The following TMEM135 variants were observed in gnomAD, a reference collection of about 807,000 sequenced individuals.
TMEM135 encodes transmembrane protein 135, also known as peroxisomal membrane protein 52.
In TMEM135, 30 loss-of-function variants were observed where a neutral mutation model predicts 60.3. The ratio of observed to expected loss-of-function variants is 0.50; its 90% confidence interval spans 0.37 to 0.68. TMEM135 has a LOEUF of 0.68. TMEM135 is among the 30% of genes least tolerant of loss of function. The pLI, the probability that TMEM135 is intolerant of heterozygous loss-of-function variation, is 0.00. For missense variants in TMEM135, 468 were observed against 548.8 expected (o/e 0.85, Z 1.47); for synonymous variants, 190 against 186.7 (o/e 1.02, Z -0.14).
At chr11:87,122,309 G>GTTT (rs11367827) in intron 4 of TMEM135, among the ~76,000 whole-genome samples, 2 of 110,356 alleles carry the variant, frequency 1.8e-5, no homozygotes, top group African/African-American at 6.6e-5. Flanking sequence ...GTTTTGCTAG[G>GTTT]TTTTTTTTTT....
intron 5 of TMEM135, among the ~76,000 whole-genome samples, chr11:87,171,454 G>A (rs1939235048): frequency 6.6e-6 from 1 of 151,998 alleles, no homozygotes; most frequent in Admixed American, 6.6e-5. Flanking sequence ...GGAGTAGCCA[G>A]TGTCCTATGC....
chr11:87,196,267 A>C (rs1229296551), intron 5 of TMEM135, among the ~76,000 whole-genome samples: 1 of 152,190 alleles, frequency 6.6e-6, no homozygotes, highest in African/African-American at 2.4e-5. Context: ...AATGTCTGCA[A>C]ATTCTGAACT....
At chr11:87,306,535 A>T (rs929051593) in intron 9 of TMEM135, among the ~76,000 whole-genome samples, 1 of 152,128 alleles carries the variant, frequency 6.6e-6, no homozygotes, top group East Asian at 1.9e-4. Flanking sequence ...AAGAGAGCTA[A>T]CTATGCCTGG....
Position 87,236,704 on chromosome 11 carries a change from T to C in TMEM135, c.509+20T>C, listed in dbSNP as rs1162272416. The C allele has an allele frequency of 2.5e-6, 4 of 1,604,502 alleles. No homozygotes were observed. Among genetic ancestry groups the C allele is most frequent in the African/African-American group, 1.3e-5 (1 of 74,634 alleles). On this transcript the variant is annotated intron_variant, in intron 6 of 14. Transcript: ENST00000305494. ...TTTCAGGTATGTTCTGTTATACTTA[T>C]TTACTTTAATACCCCAAACAGTATC...
intron 6 of TMEM135, among the ~76,000 whole-genome samples, chr11:87,237,280 T>G (rs1445867007): frequency 6.6e-6 from 1 of 151,984 alleles, no homozygotes; most frequent in African/African-American, 2.4e-5. Flanking sequence ...CCCAGCAGTG[T>G]GCGAATGATT....
chr11:87,229,716 G>C (rs1329667168), intron 5 of TMEM135, among the ~76,000 whole-genome samples: 4 of 152,108 alleles, frequency 2.6e-5, no homozygotes, highest in East Asian at 1.9e-4. Context: ...ATCCATATGT[G>C]TATGCTTTGT....
At chr11:87,178,454 G>A (rs1399386976) in intron 5 of TMEM135, 2 of 455,622 alleles carry the variant, frequency 4.4e-6, no homozygotes, top group South Asian at 3.1e-5. Flanking sequence ...TTGTTTTTTT[G>A]AGATGGAGTC....
chr11:87,227,972 C>T (rs889733296), intron 5 of TMEM135, among the ~76,000 whole-genome samples: 7 of 152,136 alleles, frequency 4.6e-5, no homozygotes, highest in Non-Finnish European at 1.0e-4. Context: ...TTCTAAAAGA[C>T]TCTGCCCTCT....
chr11:87,087,885 C>T (rs1461998185), intron 3 of TMEM135, among the ~76,000 whole-genome samples: 1 of 152,182 alleles, frequency 6.6e-6, no homozygotes, highest in East Asian at 1.9e-4. Flanking sequence ...TACAGGCATG[C>T]ACCACCACGC....
intron 1 of TMEM135, among the ~76,000 whole-genome samples, chr11:87,059,600 G>T (rs535217648): frequency 1.3e-5 from 2 of 152,148 alleles, no homozygotes; most frequent in Non-Finnish European, 2.9e-5. Flanking sequence ...ACAGGCATGA[G>T]CTACCACACC....
intron 5 of TMEM135, among the ~76,000 whole-genome samples, chr11:87,162,907 G>T (rs915050748): frequency 6.6e-6 from 1 of 151,876 alleles, no homozygotes; most frequent in Non-Finnish European, 1.5e-5. Flanking sequence ...TTTAATGATC[G>T]CCATTCTAAC....
In TMEM135 at chr11:87,135,528, A is replaced by G. The variant is rs551650351; in HGVS notation, c.397-21813A>G. On this transcript the variant is annotated intron_variant, in intron 4 of 14. Transcript: ENST00000305494. ...TTTTTAACGGAATTACGTTTGCACT[A>G]TTGTTGAAAAATCAGTTTTACACAT... Among the ~76,000 whole-genome samples the G allele has an allele frequency of 2.3e-4, 31 of 132,790 alleles. No homozygotes were observed. In the South Asian group the frequency reaches 5.0e-3, roughly 21 times the overall value. The allele number at this position is 132,790 out of a possible 152,430, so 87.1% of individuals were successfully genotyped here. A position where few individuals can be genotyped will look rare whatever the true frequency, so the allele number is the denominator to read the frequency against.
chr11:87,267,590 T>C (rs552695908), intron 6 of TMEM135, among the ~76,000 whole-genome samples: 3 of 152,376 alleles, frequency 2.0e-5, no homozygotes, highest in African/African-American at 7.2e-5. Context: ...TATTTGGATT[T>C]CGTGATTGTT....
At chr11:87,121,667 G>T in intron 4 of TMEM135, 2 of 116,440 alleles carry the variant, frequency 1.7e-5, no homozygotes, top group African/African-American at 3.2e-5. Context: ...TTGAGATGGA[G>T]TCTTACCCTA....
At chr11:87,118,081 AT>A (rs34946498) in intron 4 of TMEM135, among the ~76,000 whole-genome samples, 1 of 150,936 alleles carries the variant, frequency 6.6e-6, no homozygotes, top group African/African-American at 2.4e-5. Context: ...TTTGAAAGGA[AT>A]TTTTTTTTTC....
intron 4 of TMEM135, among the ~76,000 whole-genome samples, chr11:87,093,324 T>C (rs1455356500): frequency 6.6e-6 from 1 of 152,050 alleles, no homozygotes; most frequent in Non-Finnish European, 1.5e-5. Context: ...GCAATCCTCC[T>C]ACCTCACCCT....
chr11:87,153,299 T>C (rs954473955), intron 4 of TMEM135, among the ~76,000 whole-genome samples: 2 of 152,182 alleles, frequency 1.3e-5, no homozygotes, highest in African/African-American at 4.8e-5. Context: ...GCCATCTTAT[T>C]TGTACTCAAA....
intron 4 of TMEM135, among the ~76,000 whole-genome samples, chr11:87,112,553 ATTC>A (rs1466285577): frequency 7.2e-5 from 11 of 152,158 alleles, no homozygotes; most frequent in Non-Finnish European, 1.5e-5. Flanking sequence ...TATTGAACTC[ATTC>A]TTCTTGTGAG....
chr11:87,153,058 A>G (rs1007952899), intron 4 of TMEM135, among the ~76,000 whole-genome samples: 1 of 152,118 alleles, frequency 6.6e-6, no homozygotes, highest in Non-Finnish European at 1.5e-5. Context: ...TTAGTTTTTA[A>G]ATTTAAAATT....
Sources: gnomAD v4.1 joint callset for allele counts (sites outside exome capture counted in the v4.1 genomes callset) on GRCh38, gnomAD v4.1.1 for gene constraint, MANE v1.5 for transcripts, NCBI Gene and HGNC (gene_info 2026-07-23, HGNC 2026-07-21) for gene names.